The following RAB26 variants were observed in gnomAD, a reference collection of about 807,000 sequenced individuals.
The protein encoded by RAB26 is RAB26, member RAS oncogene family.
RAB26 carries 39 observed loss-of-function variants against 33.1 expected under a neutral mutation model. That is an observed-to-expected ratio of 1.18 (90% CI 0.91 to 1.54). RAB26 has a LOEUF of 1.54. RAB26 is among the 40% of genes most tolerant of loss of function. RAB26 has a pLI of 0.00. For missense variants in RAB26, 468 were observed against 362.9 expected (o/e 1.29, Z -2.35); for synonymous variants, 192 against 151.9 (o/e 1.26, Z -1.94).
At chr16:2,151,434 G>C in intron 2 of RAB26, 135 bp from the exon 3 acceptor site, 2 of 1,238,718 alleles carry the variant, frequency 1.6e-6, no homozygotes, top group East Asian at 2.3e-5. Flanking sequence ...GGTCAAATTG[G>C]CTTAAGGGAA....
In RAB26 at chr16:2,151,419, G is replaced by A. The variant is rs2093004572; in HGVS notation, c.307-150G>A. 4.1e-6 allele frequency: 4 copies of A among 985,974 alleles called. No homozygotes were observed. In the Admixed American group the frequency reaches 7.3e-5, roughly 18 times the overall value. The allele number at this position is 985,974 out of a possible 1,614,324, so 61.1% of individuals were successfully genotyped here. ...GGAGAGGCCTGCACTTGCAGGTGTG[G>A]GTGAGGTCAAATTGGCTTAAGGGAA... On this transcript the variant is annotated intron_variant, in intron 2 of 8. Coordinates refer to ENST00000210187, the MANE Select transcript of RAB26 (RefSeq NM_014353.5).
Position 2,151,895 on chromosome 16 carries a change from T to TCAACCAACAA in RAB26, c.455_456insCAACCAACAA (p.Asp153AsnfsTer4). 1 of 1,614,142 alleles carries TCAACCAACAA rather than the reference T, an allele frequency of 6.2e-7. No individual in the cohort carries two copies. The highest frequency in any genetic ancestry group is 8.5e-7 in the Non-Finnish European group (1 of 1,180,038). The stretch of plus-strand genomic sequence containing the variant: ...TACGATGTCACCAACAAGGCCTCCT[T>TCAACCAACAA]TGACAACATCCAGGTCAGTGGCTTT... On this transcript the variant is annotated frameshift_variant, in exon 5 of 9. Coordinates refer to ENST00000210187, the MANE Select transcript of RAB26 (RefSeq NM_014353.5). LOFTEE classifies it high-confidence loss of function.
At position 2,151,687 on chromosome 16, in the gene RAB26, C is replaced by T. The variant is rs374713641; in HGVS notation, c.349-8C>T. The T allele has an allele frequency of 1.2e-5, 20 of 1,613,982 alleles. No individual in the cohort carries two copies. The highest frequency in any genetic ancestry group is 4.4e-5 in the South Asian group (4 of 91,086). On this transcript the variant is annotated splice_polypyrimidine_tract_variant and splice_region_variant and intron_variant, in intron 3 of 8. Coordinates refer to ENST00000210187, the MANE Select transcript of RAB26 (RefSeq NM_014353.5). ...GCTGGACAGCCTGACCAGTGCCTGT[C>T]GCTGCAGATGTGGGACACAGCTGGT...
chr16:2,152,930 G>C lies in RAB26; in HGVS notation c.534+45G>C, dbSNP rs200276500. The stretch of plus-strand genomic sequence containing the variant: ...TCACCTGGGCCACAGGGCAGGGCAG[G>C]TGAGGGGGCAGGGGCCAACCATGGG... On this transcript the variant is annotated intron_variant, in intron 6 of 8. Transcript: ENST00000210187. The C allele has an allele frequency of 8.5e-5, 135 of 1,590,376 alleles. 1 individual carries two copies. The East Asian group carries it at 1.7e-3, about 20-fold the overall frequency.
At chr16:2,149,794 G>C in intron 1 of RAB26, 147 bp from the exon 2 acceptor site, 1 of 569,934 alleles carries the variant, frequency 1.8e-6, no homozygotes, top group Non-Finnish European at 3.0e-6. Flanking sequence ...GCATACGCTG[G>C]GTGTCCAGCC....
rs756125935 is a variant in RAB26 at position 2,149,303 on chromosome 16, CTTTTTTT to C, written c.195+341_195+347del. ...CTCCCTCAACCCAGCGGCTGTGGGC[CTTTTTTT>C]TTTTTTTTTTTTTTTGCTGGGGGGA... On this transcript the variant is annotated intron_variant, in intron 1 of 8. Transcript: ENST00000210187. Among the ~76,000 whole-genome samples the C allele has an allele frequency of 1.6e-4, 18 of 116,026 alleles. No homozygotes were observed. In the East Asian group the frequency reaches 2.2e-3, roughly 14 times the overall value. 76.1% of individuals were successfully genotyped at this position (116,026 alleles called of 152,430 possible). A position where few individuals can be genotyped will look rare whatever the true frequency, so the allele number is the denominator to read the frequency against.
At chr16:2,149,045 G>T in intron 1 of RAB26, 67 bp downstream of exon 1, 4 of 1,247,934 alleles carry the variant, frequency 3.2e-6, no homozygotes, top group Non-Finnish European at 4.0e-6. Flanking sequence ...AAGGGTTGGG[G>T]GTCGGACAGG....
At chr16:2,152,417 A>C (rs2093008049) in intron 5 of RAB26, among the ~76,000 whole-genome samples, 1 of 152,032 alleles carries the variant, frequency 6.6e-6, no homozygotes, top group Admixed American at 6.6e-5. Context: ...CACACCTGTA[A>C]TCCCACCACC....
rs2092994299 is a variant in RAB26, at chr16:2,148,718, G to T, written c.-66G>T. ...TTCGGGTCCGGGTCGGGCTCGGCGG[G>T]CGCGGGGTGCGGGACGGCCCAGGGC... On this transcript the variant is annotated 5_prime_UTR_variant, in exon 1 of 9. Transcript: ENST00000210187. 2 of 1,202,128 alleles carry T rather than the reference G, an allele frequency of 1.7e-6. No homozygotes were observed. The highest frequency in any genetic ancestry group is 2.1e-6 in the Non-Finnish European group (2 of 965,860). 74.5% of individuals were successfully genotyped at this position (1,202,128 alleles called of 1,614,324 possible). A position where few individuals can be genotyped will look rare whatever the true frequency, so the allele number is the denominator to read the frequency against.
intron 6 of RAB26, 38 bp downstream of exon 6, chr16:2,152,923 A>G (rs895397136): frequency 6.3e-7 from 1 of 1,590,584 alleles, no homozygotes; most frequent in Non-Finnish European, 8.6e-7. Context: ...GCCACAGGGC[A>G]GGGCAGGTGA....
At chr16:2,149,124 C>T (rs1420708126) in intron 1 of RAB26, 146 bp downstream of exon 1, 2 of 798,862 alleles carry the variant, frequency 2.5e-6, no homozygotes, top group East Asian at 6.9e-5. Flanking sequence ...TTGCACGGTG[C>T]ATCGTGCACA....
At chr16:2,149,282 C>G (rs957230745) in intron 1 of RAB26, among the ~76,000 whole-genome samples, 15 of 151,944 alleles carry the variant, frequency 9.9e-5, no homozygotes, top group Admixed American at 7.9e-4. Context: ...GCTGCCCTCC[C>G]TCAACCCAGC....
chr16:2,151,199 G>A (rs1458583229), intron 2 of RAB26: 1 of 483,658 alleles, frequency 2.1e-6, no homozygotes, highest in Non-Finnish European at 4.1e-6. Flanking sequence ...TCCAACTTCT[G>A]GGTTCAAGCC....
In RAB26 at chr16:2,148,837, CACG is replaced by C; in HGVS notation, c.55_57del (p.Thr19del). 2.8e-6 allele frequency: 4 copies of C among 1,413,688 alleles called. No individual in the cohort carries two copies. Among genetic ancestry groups the C allele is most frequent in the Non-Finnish European group, 3.7e-6 (4 of 1,084,200 alleles). The allele number at this position is 1,413,688 out of a possible 1,614,324, so 87.6% of individuals were successfully genotyped here. On this transcript the variant is annotated inframe_deletion, in exon 1 of 9. Coordinates refer to ENST00000210187, the MANE Select transcript of RAB26 (RefSeq NM_014353.5). The stretch of plus-strand genomic sequence containing the variant: ...AAGGGGCCAGCACCCCCGCTGCCTC[CACG>C]CTGCCCACCGCCAACGGGGCCCGAC...
rs866528255 is a variant in RAB26 at position 2,154,068 on chromosome 16, T to C, written c.*647T>C. The C allele has an allele frequency of 2.6e-4, 88 of 337,710 alleles. No homozygotes were observed. Among genetic ancestry groups the C allele is most frequent in the African/African-American group, 1.7e-3 (80 of 46,468 alleles). The allele number at this position is 337,710 out of a possible 1,614,324, so 20.9% of individuals were successfully genotyped here. ...TGTGATTTCCGAGCACGCTCCACCTTGCACTCAACTTGGCCTTTTGATTGC... is the reference window on the plus strand; with the variant it reads ...TGTGATTTCCGAGCACGCTCCACCTCGCACTCAACTTGGCCTTTTGATTGC... On this transcript the variant is annotated 3_prime_UTR_variant, in exon 9 of 9. Coordinates refer to ENST00000210187, the MANE Select transcript of RAB26 (RefSeq NM_014353.5).
Position 2,151,890 on chromosome 16 carries a change from C to A in RAB26, c.450C>A (p.Ala150=). Residue 150 remains alanine (A), a synonymous_variant, in exon 5 of 9, where the codon GCC becomes GCA. Coordinates refer to ENST00000210187, the MANE Select transcript of RAB26 (RefSeq NM_014353.5). ...LLLLYDVTNK[A]SFDNIQAWLT... ...TGCTCTACGATGTCACCAACAAGGC[C>A]TCCTTTGACAACATCCAGGTCAGTG... 2 of 1,614,146 alleles carry A rather than the reference C, an allele frequency of 1.2e-6. No homozygotes were observed. The highest frequency in any genetic ancestry group is 1.7e-6 in the Non-Finnish European group (2 of 1,180,040).
chr16:2,149,292 CG>C (rs1478879325), intron 1 of RAB26, among the ~76,000 whole-genome samples: 1 of 145,458 alleles, frequency 6.9e-6, no homozygotes, highest in African/African-American at 2.6e-5. Flanking sequence ...CTCAACCCAG[CG>C]GCTGTGGGCC....
chr16:2,152,145 G>A (rs1296716778), intron 5 of RAB26, among the ~76,000 whole-genome samples: 1 of 152,158 alleles, frequency 6.6e-6, no homozygotes, highest in Non-Finnish European at 1.5e-5. Flanking sequence ...TACACGGGGG[G>A]TTATCACTTC....
intron 2 of RAB26, 124 bp downstream of exon 2, chr16:2,150,175 C>G (rs1485143092): frequency 2.5e-6 from 2 of 792,978 alleles, no homozygotes; most frequent in East Asian, 3.2e-5. Flanking sequence ...CCTGCCTCGA[C>G]CTTCCAACAC....
Sources: allele counts gnomAD v4.1 joint callset (sites outside exome capture counted in the v4.1 genomes callset), GRCh38; gene constraint gnomAD v4.1.1; transcripts MANE v1.5; gene names NCBI Gene and HGNC (gene_info 2026-07-23, HGNC 2026-07-21).